ABLIM1: variants seen among roughly 807,000 people sequenced by gnomAD.
ABLIM1 encodes actin-binding LIM protein 1.
Under a neutral mutation model 107.0 loss-of-function variants are expected in ABLIM1, and 40 were observed. The ratio of observed to expected loss-of-function variants is 0.37; its 90% CI spans 0.29 to 0.49. The LOEUF (loss-of-function observed/expected upper bound fraction) is 0.49, where lower values mean the gene tolerates loss of function less well. Ranked by LOEUF, ABLIM1 falls within the 20% of genes least tolerant of loss-of-function variation. The probability of loss-of-function intolerance (pLI) is 0.97; values close to 1 mark genes in which losing one functional copy is unlikely to be tolerated. For synonymous variants in ABLIM1, 357 were observed against 357.3 expected (o/e 1.00, Z 0.01); for missense variants, 857 against 1,008.5 (o/e 0.85, Z 2.04).
intron 2 of ABLIM1, among the ~76,000 whole-genome samples, chr10:114,593,435 CT>C (rs2075112126): frequency 6.6e-6 from 1 of 152,166 alleles, no homozygotes; most frequent in Admixed American, 6.5e-5. Context: ...GTATTTGTTA[CT>C]GGTTTCTCCA....
At chr10:114,719,776 G>T (rs1323588384) in intron 1 of ABLIM1, among the ~76,000 whole-genome samples, 3 of 152,036 alleles carry the variant, frequency 2.0e-5, no homozygotes, top group Admixed American at 2.0e-4. Context: ...CGTCTTCCCA[G>T]GGCTAATTAA....
Position 114,560,088 on chromosome 10 carries a change from G to A in ABLIM1, c.673+11209C>T, listed in dbSNP as rs116533584. Reference sequence around the variant, plus strand: ...ATTTCTGGGAGAGCTTAAGAAAACTGGCCACCAATGCTTTCAAGATTTGGG... The same window carrying A: ...ATTTCTGGGAGAGCTTAAGAAAACTAGCCACCAATGCTTTCAAGATTTGGG... On this transcript the variant is annotated intron_variant, in intron 4 of 22. Coordinates refer to ENST00000533213, the MANE Select transcript of ABLIM1 (RefSeq NM_002313.7). Among the ~76,000 whole-genome samples the A allele has an allele frequency of 4.2e-3, 642 of 152,240 alleles. 3 individuals are homozygous for A. The highest frequency in any genetic ancestry group is 0.015 in the African/African-American group (617 of 41,530).
chr10:114,571,823 G>A (rs2138805717), intron 3 of ABLIM1, among the ~76,000 whole-genome samples: 1 of 152,284 alleles, frequency 6.6e-6, no homozygotes, highest in South Asian at 2.1e-4. Context: ...CAAGCAGTAA[G>A]CAGTGGGTCT....
chr10:114,436,127 A>G lies in ABLIM1; in HGVS notation c.*133T>C, dbSNP rs780634111. On this transcript the variant is annotated 3_prime_UTR_variant, in exon 23 of 23. Transcript: ENST00000533213. ...ACATTTGACTCATGGTGTTTTAACC[A>G]GACTTTCTCTTTTTGGTGTTGCTGA... 9 of 659,396 alleles carry G rather than the reference A, an allele frequency of 1.4e-5. No individual in the cohort carries two copies. Among genetic ancestry groups the G allele is most frequent in the Non-Finnish European group, 2.4e-5 (9 of 378,758 alleles). The allele number at this position is 659,396 out of a possible 1,614,324, so 40.8% of individuals were successfully genotyped here.
chr10:114,698,137 C>T (rs2081233918), intron 1 of ABLIM1, among the ~76,000 whole-genome samples: 1 of 151,862 alleles, frequency 6.6e-6, no homozygotes, highest in Non-Finnish European at 1.5e-5. Flanking sequence ...TACACAAACA[C>T]ATGATTCTAG....
chr10:114,621,225 C>T (rs1040602506), intron 1 of ABLIM1, among the ~76,000 whole-genome samples: 2 of 152,240 alleles, frequency 1.3e-5, no homozygotes, highest in Non-Finnish European at 2.9e-5. Context: ...CACTTTCTGT[C>T]CTGCAGTCCC....
chr10:114,545,161 A>G, intron 5 of ABLIM1, 63 bp from the exon 6 acceptor site: 1 of 1,438,920 alleles, frequency 6.9e-7, no homozygotes. Flanking sequence ...AGACACCAAA[A>G]CCACATTTCT....
At chr10:114,798,566 C>A in the ABLIM1 span, among the ~76,000 whole-genome samples, 3 of 146,002 alleles carry the variant, frequency 2.1e-5, no homozygotes, top group South Asian at 2.2e-4. Context: ...ACCCCCCCCC[C>A]ATGTCTACAA....
chr10:114,530,566 C>A (rs897508679), intron 6 of ABLIM1, among the ~76,000 whole-genome samples: 2 of 152,142 alleles, frequency 1.3e-5, no homozygotes, highest in Admixed American at 6.6e-5. Flanking sequence ...CACAGTCTCA[C>A]TCTGTCATCT....
intron 12 of ABLIM1, among the ~76,000 whole-genome samples, chr10:114,456,332 T>C (rs371848227): frequency 2.6e-5 from 4 of 152,332 alleles, no homozygotes; most frequent in African/African-American, 7.2e-5. Context: ...ACAGCTAATC[T>C]TTGACAACTC....
intron 2 of ABLIM1, among the ~76,000 whole-genome samples, chr10:114,591,117 A>C (rs2074820903): frequency 1.3e-5 from 2 of 152,176 alleles, no homozygotes; most frequent in South Asian, 4.1e-4. Flanking sequence ...TATTTATGCA[A>C]GTGCAGTTTT....
intron 2 of ABLIM1, among the ~76,000 whole-genome samples, chr10:114,586,298 T>C (rs1256686483): frequency 1.3e-5 from 2 of 152,180 alleles, no homozygotes; most frequent in Non-Finnish European, 2.9e-5. Flanking sequence ...TGGGCTATGC[T>C]CTACTTTGTG....
Position 114,484,571 on chromosome 10 carries a change from C to T in ABLIM1, c.1041+3387G>A, listed in dbSNP as rs905970607. On this transcript the variant is annotated intron_variant, in intron 8 of 22. Coordinates refer to ENST00000533213, the MANE Select transcript of ABLIM1 (RefSeq NM_002313.7). ...CTAATTTTTATATTTTTAGTGGAGA[C>T]GGGGTTTCACCATGTTGGCCAGGGT... is the stretch of plus-strand genomic sequence containing the variant. Among the ~76,000 whole-genome samples the T allele has an allele frequency of 3.3e-5, 5 of 151,954 alleles. No individual in the cohort carries two copies. The East Asian group carries it at 5.8e-4, about 18-fold the overall frequency.
intron 2 of ABLIM1, among the ~76,000 whole-genome samples, chr10:114,593,189 T>C (rs997410588): frequency 4.6e-5 from 7 of 152,242 alleles, no homozygotes; most frequent in African/African-American, 1.4e-4. Flanking sequence ...ATCGTTTTCT[T>C]AGATAATTTG....
chr10:114,450,211 T>A (rs200415327), intron 14 of ABLIM1: 327 of 142,204 alleles, frequency 2.3e-3, no homozygotes, highest in Middle Eastern at 6.5e-3. Context: ...CAATAAACCA[T>A]AAAAAAAAAA....
intron 1 of ABLIM1, among the ~76,000 whole-genome samples, chr10:114,635,202 T>G (rs375579442): frequency 3.3e-5 from 5 of 152,330 alleles, no homozygotes; most frequent in African/African-American, 1.2e-4. Context: ...TCCTTCTCAT[T>G]CACTTACACA....
intron 10 of ABLIM1, among the ~76,000 whole-genome samples, chr10:114,470,385 T>C (rs1282407882): frequency 8.2e-6 from 1 of 121,968 alleles, no homozygotes; most frequent in East Asian, 2.6e-4. Context: ...ATTGCACCAC[T>C]ACACTCCAGC....
chr10:114,663,844 G>A (rs1305777218), intron 1 of ABLIM1, among the ~76,000 whole-genome samples: 1 of 152,216 alleles, frequency 6.6e-6, no homozygotes, highest in Non-Finnish European at 1.5e-5. Flanking sequence ...CACCTCCCCT[G>A]ACGGAGTTGC....
At chr10:114,773,146 G>T in the ABLIM1 span, among the ~76,000 whole-genome samples, 1 of 151,712 alleles carries the variant, frequency 6.6e-6, no homozygotes, top group South Asian at 2.1e-4. Flanking sequence ...TTAAAATGGA[G>T]AAAAGACTAC....
Sources: gnomAD v4.1 joint callset for allele counts (sites outside exome capture counted in the v4.1 genomes callset) on GRCh38, gnomAD v4.1.1 for gene constraint, MANE v1.5 for transcripts, NCBI Gene and HGNC (gene_info 2026-07-23, HGNC 2026-07-21) for gene names.